Variants in PRR16 observed in about 807,000 individuals in gnomAD.
PRR16 encodes the protein proline rich 16.
A neutral mutation model predicts 18.2 loss-of-function variants in PRR16; 6 were observed. That is an observed-to-expected ratio of 0.33 (90% CI 0.18 to 0.65). PRR16 has a LOEUF of 0.65. Among genes scored for constraint, PRR16 ranks in the 30% least tolerant of loss-of-function variants. The pLI is 0.74. For missense variants in PRR16, 412 were observed against 376.6 expected (o/e 1.09, Z -0.78); for synonymous variants, 151 against 147.8 (o/e 1.02, Z -0.16).
At chr5:120,491,036 G>A (rs1027835380) in intron 1 of PRR16, among the ~76,000 whole-genome samples, 16 of 152,114 alleles carry the variant, frequency 1.1e-4, no homozygotes, top group African/African-American at 3.4e-4. Flanking sequence ...AGGAGTACCC[G>A]GCCGTGTGAG....
chr5:120,700,248 A>C, the PRR16 span, among the ~76,000 whole-genome samples: 1 of 151,920 alleles, frequency 6.6e-6, no homozygotes, highest in African/African-American at 2.4e-5. Context: ...TTGTCAGGAG[A>C]GTTTATAGGC....
chr5:120,788,563 A>C, the PRR16 span, among the ~76,000 whole-genome samples: 1 of 152,096 alleles, frequency 6.6e-6, no homozygotes, highest in East Asian at 1.9e-4. Flanking sequence ...ACATACATAG[A>C]GACTTATATT....
chr5:120,625,697 T>C (rs547928828), intron 1 of PRR16, among the ~76,000 whole-genome samples: 6 of 152,026 alleles, frequency 3.9e-5, no homozygotes, highest in African/African-American at 1.5e-4. Flanking sequence ...CCTGGTAGTA[T>C]ACCATGTTAA....
At chr5:120,734,827 G>A in the PRR16 span, among the ~76,000 whole-genome samples, 2 of 151,996 alleles carry the variant, frequency 1.3e-5, no homozygotes, top group East Asian at 1.9e-4. Context: ...ATTGAATATC[G>A]GTACAAATCA....
chr5:120,499,469 T>C (rs1750374876), intron 1 of PRR16, among the ~76,000 whole-genome samples: 2 of 152,062 alleles, frequency 1.3e-5, no homozygotes, highest in Non-Finnish European at 2.9e-5. Flanking sequence ...GTTGTTCACA[T>C]TGGATGATTT....
intron 1 of PRR16, among the ~76,000 whole-genome samples, chr5:120,476,376 C>T (rs113787650): frequency 2.0e-5 from 3 of 152,102 alleles, no homozygotes; most frequent in Non-Finnish European, 2.9e-5. Context: ...TATCTGTGCT[C>T]CTTATGTTTA....
intron 1 of PRR16, among the ~76,000 whole-genome samples, chr5:120,674,969 TGCA>T (rs1756745338): frequency 6.6e-6 from 1 of 152,158 alleles, no homozygotes; most frequent in African/African-American, 2.4e-5. Flanking sequence ...ATTTTATAAC[TGCA>T]GTACATTTTC....
downstream of PRR16, among the ~76,000 whole-genome samples, chr5:120,688,291 A>T (rs1197582039): frequency 6.6e-6 from 1 of 152,206 alleles, no homozygotes; most frequent in African/African-American, 2.4e-5. Flanking sequence ...ACAGAATGTC[A>T]TGTTAAATAT....
chr5:120,772,842 TC>T, the PRR16 span, among the ~76,000 whole-genome samples: 1 of 152,104 alleles, frequency 6.6e-6, no homozygotes, highest in South Asian at 2.1e-4. Flanking sequence ...TTCAGTCCCA[TC>T]CCTTCAAGCC....
At chr5:120,794,027 G>A in the PRR16 span, among the ~76,000 whole-genome samples, 43 of 152,202 alleles carry the variant, frequency 2.8e-4, no homozygotes, top group South Asian at 8.9e-3. Context: ...GTGGTTATGT[G>A]CTGAATGTAT....
At chr5:120,711,621 A>C in the PRR16 span, among the ~76,000 whole-genome samples, 2 of 152,172 alleles carry the variant, frequency 1.3e-5, no homozygotes, top group African/African-American at 4.8e-5. Flanking sequence ...AGTCCTATAG[A>C]TACATCTCTC....
intron 1 of PRR16, among the ~76,000 whole-genome samples, chr5:120,490,897 T>C (rs949988749): frequency 6.6e-6 from 1 of 152,186 alleles, no homozygotes; most frequent in Non-Finnish European, 1.5e-5. Context: ...TGCAGGTCTG[T>C]TGGAGTTTGC....
intron 1 of PRR16, among the ~76,000 whole-genome samples, chr5:120,548,966 T>TAC (rs138985218): frequency 0.46 from 69,305 of 149,846 alleles, 15,964 homozygotes; most frequent in East Asian, 0.75. Context: ...TTCATGCATG[T>TAC]ACACACACAC....
chr5:120,557,043 T>A (rs1415562676), intron 1 of PRR16, among the ~76,000 whole-genome samples: 19 of 151,866 alleles, frequency 1.3e-4, no homozygotes. Context: ...TAGACCCAGA[T>A]GTAACACTGG....
chr5:120,537,891 C>G (rs1751777896), intron 1 of PRR16, among the ~76,000 whole-genome samples: 1 of 149,656 alleles, frequency 6.7e-6, no homozygotes. Flanking sequence ...ATTCTCCTGC[C>G]TCAGCCTCCC....
chr5:120,743,540 C>A, the PRR16 span, among the ~76,000 whole-genome samples: 1 of 149,402 alleles, frequency 6.7e-6, no homozygotes, highest in Non-Finnish European at 1.5e-5. Flanking sequence ...TGAAGACAGC[C>A]TGACAGTTTT....
the PRR16 span, among the ~76,000 whole-genome samples, chr5:120,773,272 AAAG>A: frequency 2.0e-5 from 3 of 152,308 alleles, no homozygotes; most frequent in Non-Finnish European, 2.9e-5. Flanking sequence ...TATTTCTTAC[AAAG>A]AAGCCTTGAG....
At chr5:120,624,267 T>C (rs1300288545) in intron 1 of PRR16, among the ~76,000 whole-genome samples, 1 of 152,144 alleles carries the variant, frequency 6.6e-6, no homozygotes, top group African/African-American at 2.4e-5. Context: ...GATAACAGGA[T>C]TTAAGATGAA....
intron 1 of PRR16, among the ~76,000 whole-genome samples, chr5:120,628,635 T>C (rs1754946312): frequency 6.8e-6 from 1 of 147,428 alleles, no homozygotes; most frequent in Admixed American, 7.0e-5. Context: ...TACTCATCTC[T>C]CTATCTTTCT....
Sources: gnomAD v4.1 joint callset for allele counts (sites outside exome capture counted in the v4.1 genomes callset) on GRCh38, gnomAD v4.1.1 for gene constraint, MANE v1.5 for transcripts, NCBI Gene and HGNC (gene_info 2026-07-23, HGNC 2026-07-21) for gene names.